The following RORA variants were observed in gnomAD, a reference collection of about 807,000 sequenced individuals.
The protein encoded by RORA is nuclear receptor ROR-alpha.
RORA carries 7 observed loss-of-function variants against 69.5 expected under a neutral mutation model. The ratio of observed to expected loss-of-function variants is 0.10; its 90% CI spans 0.06 to 0.19. The LOEUF is 0.19. Among genes scored for constraint, RORA ranks in the 10% least tolerant of loss-of-function variants. The probability of loss-of-function intolerance (pLI) is 1.00; values close to 1 mark genes in which losing one functional copy is unlikely to be tolerated. For synonymous variants in RORA, 261 were observed against 240.8 expected (o/e 1.08, Z -0.78); for missense variants, 457 against 663.0 (o/e 0.69, Z 3.41).
In RORA at chr15:61,213,519, A is replaced by G. The variant is rs1258650395; in HGVS notation, c.166+15534T>C. Among the ~76,000 whole-genome samples the G allele has an allele frequency of 6.6e-6, 1 of 152,138 alleles. No individual in the cohort carries two copies. The highest frequency in any genetic ancestry group is 1.5e-5 in the Non-Finnish European group (1 of 68,040). On this transcript the variant is annotated intron_variant, in intron 1 of 10. Coordinates refer to ENST00000335670, the MANE Select transcript of RORA (RefSeq NM_134261.3). This position sits in a 1 kb window ranked among gnomAD's most constrained non-coding sequence, Gnocchi z 4.1. ...CACCAGCATACTCTCAGGCCAAGCT[A>G]CATCTCACTTATGTTACCTGAATGT...
chr15:61,208,786 T>G (rs1027929968), intron 1 of RORA, among the ~76,000 whole-genome samples: 26 of 152,296 alleles, frequency 1.7e-4, no homozygotes, highest in African/African-American at 6.3e-4. Flanking sequence ...TGGTTACTTG[T>G]CCAGTGTATT....
chr15:60,707,526 G>A (rs2071081665), intron 1 of RORA, among the ~76,000 whole-genome samples: 2 of 151,906 alleles, frequency 1.3e-5, no homozygotes. Flanking sequence ...ACCACGCCTG[G>A]CTAATTTTTT....
intron 1 of RORA, among the ~76,000 whole-genome samples, chr15:61,103,090 C>G (rs1431551716): frequency 2.0e-5 from 3 of 152,162 alleles, no homozygotes; most frequent in Non-Finnish European, 2.9e-5. Context: ...TTCCCTAACT[C>G]CTTTCACTTA....
intron 2 of RORA, among the ~76,000 whole-genome samples, chr15:60,559,687 G>T (rs1313180440): frequency 6.6e-6 from 1 of 152,194 alleles, no homozygotes; most frequent in Non-Finnish European, 1.5e-5. Context: ...AGAGAAAGAT[G>T]TCGTGCAAGG....
intron 1 of RORA, among the ~76,000 whole-genome samples, chr15:60,902,915 A>G (rs1891432024): frequency 6.6e-6 from 1 of 152,262 alleles, no homozygotes; most frequent in Non-Finnish European, 1.5e-5. Context: ...AGGAAGATTT[A>G]TAAATGCTCA....
intron 1 of RORA, among the ~76,000 whole-genome samples, chr15:60,722,772 C>G (rs1044807309): frequency 1.3e-5 from 2 of 152,212 alleles, no homozygotes; most frequent in Non-Finnish European, 2.9e-5. Flanking sequence ...GGACCACAAC[C>G]TTGGCCAGTG....
At chr15:60,536,075 T>A (rs1004113088) in intron 2 of RORA, among the ~76,000 whole-genome samples, 13 of 152,280 alleles carry the variant, frequency 8.5e-5, no homozygotes, top group African/African-American at 3.1e-4. Flanking sequence ...CTGATCTCAG[T>A]TTCACAAAAT....
chr15:61,149,493 C>T (rs556452268), intron 1 of RORA, among the ~76,000 whole-genome samples: 1 of 152,220 alleles, frequency 6.6e-6, no homozygotes, highest in East Asian at 1.9e-4. Flanking sequence ...TAAATCATTT[C>T]CTTCTTATTT....
intron 2 of RORA, among the ~76,000 whole-genome samples, chr15:60,532,410 C>T (rs573212032): frequency 1.3e-5 from 2 of 152,288 alleles, no homozygotes; most frequent in South Asian, 4.1e-4. Context: ...CAATCAGAAC[C>T]TTTCAACCAT....
At chr15:60,536,354 T>C (rs2066678875) in intron 2 of RORA, among the ~76,000 whole-genome samples, 1 of 152,192 alleles carries the variant, frequency 6.6e-6, no homozygotes, top group South Asian at 2.1e-4. Flanking sequence ...AATCCTGCCT[T>C]ATAGTGAAAT....
intron 1 of RORA, among the ~76,000 whole-genome samples, chr15:61,188,571 A>G (rs1391593029): frequency 6.6e-6 from 1 of 152,210 alleles, no homozygotes; most frequent in Non-Finnish European, 1.5e-5. Flanking sequence ...CATATGGGCC[A>G]CCTGTTTTAA....
chr15:61,180,330 T>C (rs2079672105), intron 1 of RORA, among the ~76,000 whole-genome samples: 1 of 152,138 alleles, frequency 6.6e-6, no homozygotes, highest in African/African-American at 2.4e-5. Flanking sequence ...TTCAGAGAAA[T>C]AATATCTTCT....
intron 1 of RORA, among the ~76,000 whole-genome samples, chr15:60,751,331 T>C (rs188492602): frequency 7.9e-5 from 12 of 152,212 alleles, no homozygotes; most frequent in Admixed American, 2.0e-4. Flanking sequence ...GAATAAGAAG[T>C]GGGACTAGCA....
intron 1 of RORA, among the ~76,000 whole-genome samples, chr15:60,725,049 C>T (rs1033160055): frequency 6.6e-6 from 1 of 152,188 alleles, no homozygotes; most frequent in African/African-American, 2.4e-5. Flanking sequence ...TTTATCAAAG[C>T]AGAAAGCACA....
chr15:60,529,023 T>C (rs933853402), intron 3 of RORA: 1 of 152,234 alleles, frequency 6.6e-6, no homozygotes, highest in Non-Finnish European at 1.5e-5. Context: ...CTACTAAAGC[T>C]TCTACCATTT....
chr15:60,930,192 G>A (rs371061172), intron 1 of RORA, among the ~76,000 whole-genome samples: 1 of 152,090 alleles, frequency 6.6e-6, no homozygotes, highest in East Asian at 1.9e-4. Flanking sequence ...ATTCTGCATA[G>A]TAGATACAGA....
At position 61,102,773 on chromosome 15, in the gene RORA, T is replaced by C. The variant is rs577685552; in HGVS notation, c.166+126280A>G. On this transcript the variant is annotated intron_variant, in intron 1 of 10. Coordinates refer to ENST00000335670, the MANE Select transcript of RORA (RefSeq NM_134261.3). ...TTTCTTTCTTTAACATACAACATTC[T>C]AATCTAGCTTTTCTTGCTTGACCCT... Among the ~76,000 whole-genome samples, 18 of 152,248 alleles carry C rather than the reference T, an allele frequency of 1.2e-4. No homozygotes were observed. In the South Asian group the frequency reaches 3.5e-3, roughly 30 times the overall value.
At chr15:60,729,649 C>T (rs1301170278) in intron 1 of RORA, among the ~76,000 whole-genome samples, 1 of 152,170 alleles carries the variant, frequency 6.6e-6, no homozygotes. Context: ...CTGACAGGAA[C>T]CCTGTCTGTA....
At chr15:60,836,056 C>T (rs1054316281) in intron 1 of RORA, among the ~76,000 whole-genome samples, 3 of 152,192 alleles carry the variant, frequency 2.0e-5, no homozygotes, top group African/African-American at 7.2e-5. Flanking sequence ...CAGTGACAGG[C>T]ATATTTCTTA....
Sources: allele counts gnomAD v4.1 joint callset (sites outside exome capture counted in the v4.1 genomes callset), GRCh38; gene constraint gnomAD v4.1.1; non-coding constraint Gnocchi (gnomAD v3.1); transcripts MANE v1.5; gene names NCBI Gene and HGNC (gene_info 2026-07-23, HGNC 2026-07-21).